The following NUDT3 variants were observed in gnomAD, a reference collection of about 807,000 sequenced individuals.
NUDT3 encodes the protein diphosphoinositol polyphosphate phosphohydrolase 1.
A neutral mutation model predicts 23.6 loss-of-function variants in NUDT3; 9 were observed. That is an observed-to-expected ratio of 0.38 (90% CI 0.23 to 0.66). The LOEUF is 0.66. Ranked by LOEUF, NUDT3 falls within the 30% of genes least tolerant of loss-of-function variation. The probability of loss-of-function intolerance (pLI) is 0.52; values close to 1 mark genes in which losing one functional copy is unlikely to be tolerated. For synonymous variants in NUDT3, 86 were observed against 82.6 expected (o/e 1.04, Z -0.22); for missense variants, 172 against 218.5 (o/e 0.79, Z 1.34).
intron 1 of NUDT3, among the ~76,000 whole-genome samples, chr6:34,371,327 G>T (rs1317397561): frequency 6.6e-6 from 1 of 150,912 alleles, no homozygotes; most frequent in Non-Finnish European, 1.5e-5. Flanking sequence ...AATTAGCTGG[G>T]CGTGGTGGCG....
intron 4 of NUDT3, among the ~76,000 whole-genome samples, chr6:34,292,096 T>A (rs1247761511): frequency 6.6e-6 from 1 of 152,204 alleles, no homozygotes; most frequent in Admixed American, 6.5e-5. Flanking sequence ...GACTCCTGCC[T>A]GACAGAGAGT....
Position 34,292,955 on chromosome 6 carries a change from G to C in NUDT3, c.340+496C>G, listed in dbSNP as rs553314292. On this transcript the variant is annotated intron_variant, in intron 4 of 4. Coordinates refer to ENST00000607016, the MANE Select transcript of NUDT3 (RefSeq NM_006703.4). ...ATTTGTGGACCATGTACTCACTTCA[G>C]ATTCCATTTAAACATTTCAAAATAC... is the stretch of plus-strand genomic sequence containing the variant. 2.8e-4 allele frequency among the ~76,000 whole-genome samples: 43 copies of C among 152,340 alleles called. 1 individual carries two copies. In the South Asian group the frequency reaches 4.1e-3, roughly 15 times the overall value.
In NUDT3 at chr6:34,328,223, T is replaced by G. The variant is rs142031583; in HGVS notation, c.210+13639A>C. Among the ~76,000 whole-genome samples, 667 of 152,328 alleles carry G rather than the reference T, an allele frequency of 4.4e-3. 2 individuals are homozygous for G. Among genetic ancestry groups the G allele is most frequent in the African/African-American group, 0.015 (633 of 41,580 alleles). On this transcript the variant is annotated intron_variant, in intron 2 of 4. Coordinates refer to ENST00000607016, the MANE Select transcript of NUDT3 (RefSeq NM_006703.4). ...CAGCTTTCAAGTTTCTCTTGAAACA[T>G]CAGAGGATCTGATCACACTGGGTCT...
rs1196105370 is a variant in NUDT3 at position 34,280,342 on chromosome 6, A to G, written c.*8411T>C. On this transcript the variant is annotated 3_prime_UTR_variant, in exon 5 of 5. Coordinates refer to ENST00000607016, the MANE Select transcript of NUDT3 (RefSeq NM_006703.4). ...ACCAAGCAAGGCTATTTTGGAAACA[A>G]GCAAACAAACAAAAAATGGAAACCA... The G allele has an allele frequency of 1.3e-5, 2 of 152,292 alleles. No individual in the cohort carries two copies. The highest frequency in any genetic ancestry group is 4.8e-5 in the African/African-American group (2 of 41,466). 9.4% of individuals were successfully genotyped at this position (152,292 alleles called of 1,614,324 possible). A position where few individuals can be genotyped will look rare whatever the true frequency, so the allele number is the denominator to read the frequency against.
At chr6:34,331,859 G>A (rs1395786415) in intron 2 of NUDT3, among the ~76,000 whole-genome samples, 4 of 151,960 alleles carry the variant, frequency 2.6e-5, no homozygotes, top group Admixed American at 1.3e-4. Context: ...CAACTCCCAC[G>A]CAGTCAAACA....
chr6:34,292,090 C>T (rs1005775960), intron 4 of NUDT3, among the ~76,000 whole-genome samples: 12 of 152,252 alleles, frequency 7.9e-5, no homozygotes, highest in African/African-American at 2.6e-4. Flanking sequence ...GTGTATGACT[C>T]CTGCCTGACA....
rs571832517 is a variant in NUDT3, at chr6:34,381,726, G to C, written c.99+10538C>G. Among the ~76,000 whole-genome samples the C allele has an allele frequency of 5.3e-5, 8 of 152,196 alleles. No individual in the cohort carries two copies. In the South Asian group the frequency reaches 1.7e-3, roughly 32 times the overall value. On this transcript the variant is annotated intron_variant, in intron 1 of 4. Transcript: ENST00000607016. ...GGCTCAGCACATTTGGTTAATGATG[G>C]CTGAATATAAGCCTAGCAATCAAAT...
chr6:34,354,749 A>ATATATATATTTATTTATTTATT (rs570166534), intron 1 of NUDT3, among the ~76,000 whole-genome samples: 2 of 144,544 alleles, frequency 1.4e-5, no homozygotes, highest in South Asian at 2.2e-4. Flanking sequence ...ATATATATAT[A>ATATATATATTTATTTATTTATT]TATTTATTTA....
At chr6:34,360,185 T>C (rs2113751078) in intron 1 of NUDT3, among the ~76,000 whole-genome samples, 1 of 134,658 alleles carries the variant, frequency 7.4e-6, no homozygotes, top group African/African-American at 2.9e-5. Flanking sequence ...CTGCAGTAAG[T>C]GGTGATTGTG....
At chr6:34,289,012 C>A in intron 4 of NUDT3, 81 bp from the exon 5 acceptor site, 1 of 1,440,450 alleles carries the variant, frequency 6.9e-7, no homozygotes, top group Non-Finnish European at 9.2e-7. Flanking sequence ...ATATAGAAAA[C>A]ATTAAAGCAA....
rs949827738 is a variant in NUDT3 at position 34,392,555 on chromosome 6, C to A, written c.-193G>T. 5.3e-6 allele frequency: 2 copies of A among 379,668 alleles called. No homozygotes were observed. The highest frequency in any genetic ancestry group is 8.4e-5 in the East Asian group (2 of 23,694). The allele number at this position is 379,668 out of a possible 1,614,324, so 23.5% of individuals were successfully genotyped here. The stretch of plus-strand genomic sequence containing the variant: ...CCCCCAGGCCCAGGTCCCGCGCCGC[C>A]GCTGCCACCGTCACGGCTGCCGTCT... On this transcript the variant is annotated 5_prime_UTR_variant, in exon 1 of 5. Transcript: ENST00000607016.
chr6:34,385,317 G>A (rs1765087394), intron 1 of NUDT3, among the ~76,000 whole-genome samples: 1 of 152,090 alleles, frequency 6.6e-6, no homozygotes, highest in Admixed American at 6.6e-5. Flanking sequence ...GCCAGGCACA[G>A]TGGCTCATGC....
At chr6:34,367,699 T>C (rs529032074) in intron 1 of NUDT3, among the ~76,000 whole-genome samples, 5 of 152,162 alleles carry the variant, frequency 3.3e-5, no homozygotes, top group South Asian at 2.1e-4. Context: ...TATACATACA[T>C]TGGCTTTCTT....
chr6:34,373,879 C>T (rs867865128), intron 1 of NUDT3, among the ~76,000 whole-genome samples: 6 of 152,030 alleles, frequency 3.9e-5, no homozygotes, highest in South Asian at 4.1e-4. Context: ...TTCGGCTGGG[C>T]GCAGTGGCTC....
intron 2 of NUDT3, among the ~76,000 whole-genome samples, chr6:34,334,197 G>C (rs138376285): frequency 6.6e-6 from 1 of 152,196 alleles, no homozygotes; most frequent in Non-Finnish European, 1.5e-5. Context: ...CTTAACTGAG[G>C]CATTTGGAGA....
In NUDT3 at chr6:34,387,836, G is replaced by A. The variant is rs1334583025; in HGVS notation, c.99+4428C>T. 2.0e-5 allele frequency among the ~76,000 whole-genome samples: 3 copies of A among 152,032 alleles called. No individual in the cohort carries two copies. The East Asian group carries it at 5.8e-4, about 29-fold the overall frequency. On this transcript the variant is annotated intron_variant, in intron 1 of 4. Coordinates refer to ENST00000607016, the MANE Select transcript of NUDT3 (RefSeq NM_006703.4). The stretch of plus-strand genomic sequence containing the variant: ...AAGTAAAAAAATTACAGTAAGCTAA[G>A]GTTAATTTATTATCGAAGAAAAATA...
intron 2 of NUDT3, among the ~76,000 whole-genome samples, chr6:34,334,515 T>A (rs1764176711): frequency 1.3e-5 from 2 of 151,984 alleles, no homozygotes; most frequent in Non-Finnish European, 2.9e-5. Flanking sequence ...AGTGCACACC[T>A]ATAATCCCAG....
chr6:34,327,170 C>A (rs1764050584), intron 2 of NUDT3, among the ~76,000 whole-genome samples: 1 of 152,016 alleles, frequency 6.6e-6, no homozygotes, highest in Non-Finnish European at 1.5e-5. Context: ...GGGCCCTTCC[C>A]TTATAGGTAG....
At chr6:34,297,948 G>A (rs1250419536) in intron 2 of NUDT3, among the ~76,000 whole-genome samples, 1 of 151,036 alleles carries the variant, frequency 6.6e-6, no homozygotes, top group African/African-American at 2.4e-5. Flanking sequence ...AAAGGAGAAA[G>A]TAGTCTCTTT....
Sources: allele counts gnomAD v4.1 joint callset (sites outside exome capture counted in the v4.1 genomes callset), GRCh38; gene constraint gnomAD v4.1.1; transcripts MANE v1.5; gene names NCBI Gene and HGNC (gene_info 2026-07-23, HGNC 2026-07-21).